GTF2IRD2B: variants seen among roughly 807,000 people sequenced by gnomAD.
The protein encoded by GTF2IRD2B is GTF2I repeat domain containing 2B.
In GTF2IRD2B, 10 loss-of-function variants were observed where a neutral mutation model predicts 55.6. The ratio of observed to expected loss-of-function variants is 0.18; its 90% CI spans 0.11 to 0.31. The LOEUF (loss-of-function observed/expected upper bound fraction) is 0.31, where lower values mean the gene tolerates loss of function less well. GTF2IRD2B is among the 10% of genes least tolerant of loss of function. GTF2IRD2B has a pLI of 1.00. For synonymous variants in GTF2IRD2B, 107 were observed against 320.5 expected (o/e 0.33, Z 7.12); for missense variants, 206 against 802.7 (o/e 0.26, Z 8.98).
At chr7:75,117,522 A>C (rs1415683430) in intron 3 of GTF2IRD2B, among the ~76,000 whole-genome samples, 1 of 152,296 alleles carries the variant, frequency 6.6e-6, no homozygotes, top group African/African-American at 2.4e-5. Flanking sequence ...TGACACCCCC[A>C]CCACACACAG....
At chr7:75,103,383 TG>T (rs1367463211) in intron 1 of GTF2IRD2B, among the ~76,000 whole-genome samples, 2 of 151,278 alleles carry the variant, frequency 1.3e-5, no homozygotes, top group African/African-American at 4.8e-5. Context: ...TGTGGTCCCG[TG>T]GGGACCAGTG....
At chr7:75,105,214 A>AAC (rs1460067898) in intron 1 of GTF2IRD2B, among the ~76,000 whole-genome samples, 2 of 152,264 alleles carry the variant, frequency 1.3e-5, no homozygotes, top group Non-Finnish European at 2.9e-5. Context: ...AACAAAAAAA[A>AAC]AACAACAGAC....
At chr7:75,116,311 AT>A (rs1322394418) in intron 3 of GTF2IRD2B, among the ~76,000 whole-genome samples, 1 of 137,912 alleles carries the variant, frequency 7.3e-6, no homozygotes, top group Non-Finnish European at 1.6e-5. Flanking sequence ...ATCCCTAAGG[AT>A]TTTATTCTTT....
chr7:75,123,909 G>A (rs1171381816), intron 6 of GTF2IRD2B: 2 of 338,484 alleles, frequency 5.9e-6, no homozygotes, highest in African/African-American at 2.2e-5. Flanking sequence ...ATTTGGGTGA[G>A]GGGAGGGAAC....
chr7:75,123,838 A>C (rs1430799167), intron 6 of GTF2IRD2B: 2 of 377,718 alleles, frequency 5.3e-6, no homozygotes, highest in Non-Finnish European at 1.0e-5. Flanking sequence ...AGATCGCGCC[A>C]CTGCACTCCA....
chr7:75,107,178 A>G (rs1202499872), intron 1 of GTF2IRD2B, among the ~76,000 whole-genome samples: 1 of 151,078 alleles, frequency 6.6e-6, no homozygotes, highest in South Asian at 2.1e-4. Context: ...TCTGGGAAAC[A>G]GCATGCTCCT....
chr7:75,124,073 TA>T (rs1158094010), intron 6 of GTF2IRD2B, among the ~76,000 whole-genome samples: 36 of 118,126 alleles, frequency 3.0e-4, no homozygotes, highest in Middle Eastern at 9.3e-3. Flanking sequence ...TTGTAGCTAT[TA>T]AAAAAAAAAT....
At chr7:75,103,117 A>G (rs1246051996) in intron 1 of GTF2IRD2B, among the ~76,000 whole-genome samples, 6 of 151,882 alleles carry the variant, frequency 4.0e-5, no homozygotes, top group African/African-American at 1.4e-4. Context: ...GTCTCTACTA[A>G]AAAAGAGAAA....
chr7:75,115,912 TTCTTTC>T (rs1470846387), intron 3 of GTF2IRD2B, among the ~76,000 whole-genome samples: 94 of 130,088 alleles, frequency 7.2e-4, no homozygotes, highest in African/African-American at 1.3e-3. Flanking sequence ...TTAATTTCTT[TTCTTTC>T]TTTTTTTTTT....
At chr7:75,093,284 G>A (rs1210247405) in intron 1 of GTF2IRD2B, among the ~76,000 whole-genome samples, 3 of 151,868 alleles carry the variant, frequency 2.0e-5, no homozygotes. Context: ...AACCAATCCA[G>A]ACTCCCAAGG....
chr7:75,105,898 T>G (rs1807785263), intron 1 of GTF2IRD2B, among the ~76,000 whole-genome samples: 1 of 152,308 alleles, frequency 6.6e-6, no homozygotes, highest in Admixed American at 6.5e-5. Flanking sequence ...CCCAGGCTGC[T>G]GTGGTGGTTC....
intron 6 of GTF2IRD2B, 68 bp downstream of exon 6, chr7:75,123,584 T>C: frequency 3.4e-6 from 2 of 580,348 alleles, no homozygotes; most frequent in South Asian, 3.8e-5. Context: ...TCATTAAAAC[T>C]TGAATTGGGG....
At chr7:75,133,651 T>G (rs1483290315) in intron 9 of GTF2IRD2B, among the ~76,000 whole-genome samples, 5 of 149,110 alleles carry the variant, frequency 3.4e-5, no homozygotes, top group African/African-American at 1.3e-4. Flanking sequence ...CAAATGATTC[T>G]TGTGCCTCAG....
chr7:75,092,885 T>TGGGGGCGGC (rs1306986453), intron 1 of GTF2IRD2B, 120 bp downstream of exon 1: 1 of 152,310 alleles, frequency 6.6e-6, no homozygotes, highest in Non-Finnish European at 1.5e-5. Context: ...CAGCGGGAGG[T>TGGGGGCGGC]GGCCCCCCGG....
At chr7:75,134,845 G>A (rs1312438642) in intron 9 of GTF2IRD2B, among the ~76,000 whole-genome samples, 156 bp from the exon 10 acceptor site, 1 of 148,798 alleles carries the variant, frequency 6.7e-6, no homozygotes, top group East Asian at 1.9e-4. Context: ...GAGATTACAG[G>A]CGTGAGTTAC....
intron 3 of GTF2IRD2B, among the ~76,000 whole-genome samples, chr7:75,113,705 G>T (rs1808039816): frequency 6.7e-6 from 1 of 150,314 alleles, no homozygotes; most frequent in Admixed American, 6.7e-5. Flanking sequence ...TATTTACCAA[G>T]TATTGATATA....
intron 2 of GTF2IRD2B, 39 bp from the exon 3 acceptor site, chr7:75,112,358 C>T: frequency 4.6e-6 from 2 of 432,990 alleles, no homozygotes; most frequent in Non-Finnish European, 3.9e-6. Context: ...CTTGGATCTG[C>T]CCTTGTAGAT....
chr7:75,122,183 C>A (rs1293062550), intron 4 of GTF2IRD2B, among the ~76,000 whole-genome samples: 1 of 138,104 alleles, frequency 7.2e-6, no homozygotes. Flanking sequence ...TTTTAGAGAG[C>A]CCCGCATCAA....
intron 1 of GTF2IRD2B, among the ~76,000 whole-genome samples, chr7:75,105,899 G>C (rs1554450174): frequency 4.0e-3 from 604 of 152,218 alleles, no homozygotes; most frequent in Non-Finnish European, 4.5e-3. Flanking sequence ...CCAGGCTGCT[G>C]TGGTGGTTCC....
Sources: gnomAD v4.1 joint callset for allele counts (sites outside exome capture counted in the v4.1 genomes callset) on GRCh38, gnomAD v4.1.1 for gene constraint, MANE v1.5 for transcripts, NCBI Gene and HGNC (gene_info 2026-07-23, HGNC 2026-07-21) for gene names.